ZIM2: variants seen among roughly 807,000 people sequenced by gnomAD.
ZIM2 encodes the protein zinc finger protein 656.
A neutral mutation model predicts 38.6 loss-of-function variants in ZIM2; 14 were observed. The ratio of observed to expected loss-of-function variants is 0.36; its 90% CI spans 0.24 to 0.57. ZIM2 has a LOEUF of 0.57. Among genes scored for constraint, ZIM2 ranks in the 20% least tolerant of loss-of-function variants. The pLI is 0.81. For synonymous variants in ZIM2, 247 were observed against 245.8 expected, an observed-to-expected ratio of 1.00 and a Z score of -0.04; for missense variants, 680 against 695.1, an observed-to-expected ratio of 0.98 and a Z score of 0.24.
intron 9 of ZIM2, among the ~76,000 whole-genome samples, chr19:56,795,505 C>A (rs1430808160): frequency 6.6e-6 from 1 of 152,226 alleles, no homozygotes; most frequent in African/African-American, 2.4e-5. Context: ...AACGTCTCCA[C>A]GCCCTGACCA....
chr19:56,798,795 C>G (rs1394646373), intron 9 of ZIM2: 1 of 151,898 alleles, frequency 6.6e-6, no homozygotes, highest in Non-Finnish European at 1.5e-5. Context: ...AAAAAATGGG[C>G]AAAGGACGTG....
intron 9 of ZIM2, chr19:56,816,287 C>T (rs1203792557): frequency 1.9e-6 from 3 of 1,613,884 alleles, no homozygotes; most frequent in Non-Finnish European, 2.5e-6. Flanking sequence ...ACAGATTTCT[C>T]ATACCCTCTG....
intron 10 of ZIM2, among the ~76,000 whole-genome samples, chr19:56,783,848 T>C (rs1021118932): frequency 1.3e-5 from 2 of 152,102 alleles, no homozygotes; most frequent in African/African-American, 4.8e-5. Context: ...AAAAAAAAGA[T>C]AGACTGACCT....
rs554196068 is a variant in ZIM2, at chr19:56,785,816, G to C, written c.571-3695C>G. Among the ~76,000 whole-genome samples, 12 of 152,304 alleles carry C rather than the reference G, an allele frequency of 7.9e-5. No individual in the cohort carries two copies. The East Asian group carries it at 2.3e-3, about 29-fold the overall frequency. On this transcript the variant is annotated intron_variant, in intron 10 of 12. Transcript: ENST00000629319. ...CTTGTTAAACACAGATTCTAATTCAGTTGGTGGAAGTGGGGCCACAGATGC... is the reference window on the plus strand; with the variant it reads ...CTTGTTAAACACAGATTCTAATTCACTTGGTGGAAGTGGGGCCACAGATGC...
chr19:56,823,750 AG>A, intron 4 of ZIM2, 71 bp from the exon 5 acceptor site: 1 of 1,540,664 alleles, frequency 6.5e-7, no homozygotes, highest in Non-Finnish European at 9.0e-7. Flanking sequence ...CCAATCCCTG[AG>A]CCGCATCTCC....
chr19:56,817,465 G>C lies in ZIM2; in HGVS notation c.490+281C>G, dbSNP rs1225699683. On this transcript the variant is annotated intron_variant, in intron 9 of 12. Transcript: ENST00000629319. ...TGACTCCCTTGCTCTTCCCGATTTGGAACTGCGTGACACATCCTTGATGAA... is the reference window on the plus strand; with the variant it reads ...TGACTCCCTTGCTCTTCCCGATTTGCAACTGCGTGACACATCCTTGATGAA... The C allele has an allele frequency of 1.5e-5, 24 of 1,613,730 alleles. No individual in the cohort carries two copies. The highest frequency in any genetic ancestry group is 1.9e-5 in the Non-Finnish European group (23 of 1,179,826).
At chr19:56,815,743 A>T in intron 9 of ZIM2, 1 of 1,614,182 alleles carries the variant, frequency 6.2e-7, no homozygotes, top group Non-Finnish European at 8.5e-7. Context: ...TTTGGCACGG[A>T]ATACACTCTG....
chr19:56,839,952 C>A (rs561505617), intron 1 of ZIM2, among the ~76,000 whole-genome samples: 11 of 152,376 alleles, frequency 7.2e-5, no homozygotes, highest in African/African-American at 2.6e-4. Context: ...TAAGATACCG[C>A]CCGAGAGGGC....
At chr19:56,822,290 T>C (rs955824793) in intron 6 of ZIM2, among the ~76,000 whole-genome samples, 17 of 152,178 alleles carry the variant, frequency 1.1e-4, no homozygotes, top group African/African-American at 2.9e-4. Context: ...ACACCAACAA[T>C]ACACTGGTGT....
intron 9 of ZIM2, among the ~76,000 whole-genome samples, chr19:56,805,134 T>C (rs1854505895): frequency 6.6e-6 from 1 of 151,956 alleles, no homozygotes; most frequent in Non-Finnish European, 1.5e-5. Flanking sequence ...GTCCTGGGGG[T>C]GGGGACACTG....
intron 9 of ZIM2, chr19:56,811,418 T>C: frequency 1.1e-6 from 1 of 901,378 alleles, no homozygotes; most frequent in Non-Finnish European, 1.3e-6. Flanking sequence ...TAATGTTCTG[T>C]AAATATATTT....
chr19:56,795,380 T>C (rs1296609664), intron 9 of ZIM2, among the ~76,000 whole-genome samples: 1 of 152,136 alleles, frequency 6.6e-6, no homozygotes, highest in Non-Finnish European at 1.5e-5. Context: ...CGCCCTCAAG[T>C]CCACTGGGGC....
At chr19:56,838,735 T>C (rs2062528976) in intron 1 of ZIM2, among the ~76,000 whole-genome samples, 1 of 152,224 alleles carries the variant, frequency 6.6e-6, no homozygotes, top group Non-Finnish European at 1.5e-5. Context: ...ATGCGGGGAC[T>C]GAGCCAGTCC....
At position 56,835,425 on chromosome 19, in the gene ZIM2, A is replaced by AC. The variant is rs200711303; in HGVS notation, c.-227+592dup. Among the ~76,000 whole-genome samples, 1,054 of 152,088 alleles carry AC rather than the reference A, an allele frequency of 6.9e-3. 10 individuals are homozygous for AC. Among genetic ancestry groups the AC allele is most frequent in the African/African-American group, 0.024 (1,008 of 41,464 alleles). On this transcript the variant is annotated intron_variant, in intron 2 of 12. Transcript: ENST00000629319. ...GCTCCTCTCTCTGCATCTCTCAACA[A>AC]CAACCCTATCCCCTCTGCTGAGACT...
At chr19:56,791,885 G>GTTTT (rs1382579983) in intron 9 of ZIM2, among the ~76,000 whole-genome samples, 2 of 152,050 alleles carry the variant, frequency 1.3e-5, no homozygotes, top group African/African-American at 4.8e-5. Context: ...TCCAGTCTTT[G>GTTTT]TATCTCCCAC....
intron 12 of ZIM2, among the ~76,000 whole-genome samples, chr19:56,776,094 CTG>C (rs2045986026): frequency 1.0e-5 from 1 of 99,714 alleles, no homozygotes; most frequent in Non-Finnish European, 2.0e-5. Context: ...GAGTGAGACT[CTG>C]TCTCAAAAAA....
intron 2 of ZIM2, among the ~76,000 whole-genome samples, chr19:56,826,690 C>G (rs550999665): frequency 6.6e-6 from 1 of 152,088 alleles, no homozygotes; most frequent in Non-Finnish European, 1.5e-5. Context: ...GTCAAAAACG[C>G]AAGACAAAGA....
intron 12 of ZIM2, among the ~76,000 whole-genome samples, chr19:56,779,156 T>C (rs911142986): frequency 6.6e-6 from 1 of 152,116 alleles, no homozygotes. Context: ...ACGGAAGGGC[T>C]GGAACACGAG....
rs200146387 is a variant in ZIM2 at position 56,818,670 on chromosome 19, G to A, written c.327C>T (p.Leu109=). 23 of 1,614,016 alleles carry A rather than the reference G, an allele frequency of 1.4e-5. No homozygotes were observed. Among genetic ancestry groups the A allele is most frequent in the East Asian group, 4.5e-5 (2 of 44,882 alleles). Residue 109 remains leucine, a synonymous_variant, in exon 8 of 13, where the codon CTC becomes CTT. Coordinates refer to ENST00000629319, the MANE Select transcript of ZIM2 (RefSeq NM_001387356.1). Reference sequence around the variant, plus strand: ...TGTTGTGAGGTTTCCTGTCCTCAGCGAGGTCCACCACATTTTGGTATGATT... The same window carrying A: ...TGTTGTGAGGTTTCCTGTCCTCAGCAAGGTCCACCACATTTTGGTATGATT... ...DAESYQNVVD[L]AEDRKPHNTI...
Sources: gnomAD v4.1 joint callset for allele counts (sites outside exome capture counted in the v4.1 genomes callset) on GRCh38, gnomAD v4.1.1 for gene constraint, MANE v1.5 for transcripts, NCBI Gene and HGNC (gene_info 2026-07-23, HGNC 2026-07-21) for gene names.